CREBRF: variants seen among roughly 807,000 people sequenced by gnomAD.
The protein encoded by CREBRF is CREB3 regulatory factor.
Under a neutral mutation model 66.1 loss-of-function variants are expected in CREBRF, and 5 were observed. The ratio of observed to expected loss-of-function variants is 0.08; its 90% confidence interval spans 0.04 to 0.16. CREBRF has a LOEUF of 0.16. CREBRF is among the 10% of genes least tolerant of loss of function. CREBRF has a pLI of 1.00. For missense variants in CREBRF, 531 were observed against 744.9 expected, an observed-to-expected ratio of 0.71 and a Z score of 3.34; for synonymous variants, 229 against 264.4, an observed-to-expected ratio of 0.87 and a Z score of 1.30.
chr5:173,088,196 C>T (rs1758219925), intron 3 of CREBRF, among the ~76,000 whole-genome samples: 1 of 151,054 alleles, frequency 6.6e-6, no homozygotes, highest in African/African-American at 2.4e-5. Context: ...CACACACCTG[C>T]AGCTCTTCTT....
intron 4 of CREBRF, among the ~76,000 whole-genome samples, chr5:173,093,325 C>G (rs1758396502): frequency 6.6e-6 from 1 of 152,110 alleles, no homozygotes. Context: ...GACTTTTTCC[C>G]CCCAGCTTTA....
At chr5:173,067,593 C>G (rs1757470095) in intron 1 of CREBRF, among the ~76,000 whole-genome samples, 1 of 152,084 alleles carries the variant, frequency 6.6e-6, no homozygotes, top group Non-Finnish European at 1.5e-5. Flanking sequence ...AATTTAAATA[C>G]TGGTAGTTAC....
intron 1 of CREBRF, among the ~76,000 whole-genome samples, chr5:173,079,776 A>G (rs1479732674): frequency 6.6e-6 from 1 of 152,216 alleles, no homozygotes; most frequent in Non-Finnish European, 1.5e-5. Flanking sequence ...TCCTTGGATC[A>G]TACTTTGAGA....
chr5:173,117,091 A>G (rs1345308773), intron 7 of CREBRF, among the ~76,000 whole-genome samples: 3 of 152,102 alleles, frequency 2.0e-5, no homozygotes, highest in African/African-American at 7.2e-5. Flanking sequence ...AAGGTTCTTT[A>G]TTCTGGGCCG....
chr5:173,071,607 G>C (rs1348414732), intron 1 of CREBRF, among the ~76,000 whole-genome samples: 1 of 151,734 alleles, frequency 6.6e-6, no homozygotes, highest in African/African-American at 2.4e-5. Context: ...GCCTCCCAAA[G>C]TGCTGGGATT....
At chr5:173,132,358 A>T (rs1342743950) in intron 8 of CREBRF, among the ~76,000 whole-genome samples, 1 of 145,920 alleles carries the variant, frequency 6.9e-6, no homozygotes, top group African/African-American at 2.5e-5. Context: ...AAGCGTTGGT[A>T]TTACAGGCGT....
At chr5:173,100,131 A>ATATATATAAT (rs1554125245) in intron 4 of CREBRF, among the ~76,000 whole-genome samples, 5 of 42,864 alleles carry the variant, frequency 1.2e-4, no homozygotes, top group Non-Finnish European at 2.3e-4. Context: ...TATATATATA[A>ATATATATAAT]TTTTTTTTTT....
rs1285862968 is a variant in CREBRF, at chr5:173,086,321, A to T, written c.10-180A>T. 1.3e-4 allele frequency: 87 copies of T among 651,666 alleles called. No individual in the cohort carries two copies. The African/African-American group carries it at 1.4e-3, about 11-fold the overall frequency. 40.4% of individuals were successfully genotyped at this position (651,666 alleles called of 1,614,324 possible). ...TTCTATTTTTAGGTATTTTCCTAAT[A>T]TAAGTCTACAGTTCAGTGTTAGCCA... On this transcript the variant is annotated intron_variant, in intron 2 of 8. Transcript: ENST00000296953.
chr5:173,109,677 G>A (rs1242811381), intron 5 of CREBRF: 1 of 152,214 alleles, frequency 6.6e-6, no homozygotes, highest in East Asian at 1.9e-4. Flanking sequence ...TAGTAAGTGT[G>A]ATGGTCAGTA....
intron 8 of CREBRF, among the ~76,000 whole-genome samples, chr5:173,131,460 C>T (rs1759422541): frequency 6.6e-6 from 1 of 152,072 alleles, no homozygotes; most frequent in South Asian, 2.1e-4. Context: ...CTTTTGTTTT[C>T]TTTAGTCTAC....
rs1416586402 is a variant in CREBRF, at chr5:173,086,319, A to T, written c.10-182A>T. The T allele has an allele frequency of 1.3e-4, 87 of 650,478 alleles. No individual in the cohort carries two copies. In the African/African-American group the frequency reaches 1.4e-3, roughly 11 times the overall value. The allele number at this position is 650,478 out of a possible 1,614,324, so 40.3% of individuals were successfully genotyped here. A position where few individuals can be genotyped will look rare whatever the true frequency, so the allele number is the denominator to read the frequency against. Reference sequence around the variant, plus strand: ...TTTTCTATTTTTAGGTATTTTCCTAATATAAGTCTACAGTTCAGTGTTAGC... The same window carrying T: ...TTTTCTATTTTTAGGTATTTTCCTATTATAAGTCTACAGTTCAGTGTTAGC... On this transcript the variant is annotated intron_variant, in intron 2 of 8. Coordinates refer to ENST00000296953, the MANE Select transcript of CREBRF (RefSeq NM_153607.3).
chr5:173,066,641 G>T (rs1757443519), intron 1 of CREBRF, among the ~76,000 whole-genome samples: 1 of 151,718 alleles, frequency 6.6e-6, no homozygotes, highest in African/African-American at 2.4e-5. Flanking sequence ...CAGTTCTCCT[G>T]CACTCGCCCT....
At chr5:173,063,614 C>G (rs1236832393) in intron 1 of CREBRF, among the ~76,000 whole-genome samples, 2 of 152,072 alleles carry the variant, frequency 1.3e-5, no homozygotes, top group African/African-American at 4.8e-5. Context: ...GGTGATCCAC[C>G]TGCCTTGGCC....
chr5:173,105,968 T>C (rs1369425644), intron 4 of CREBRF, among the ~76,000 whole-genome samples: 1 of 152,178 alleles, frequency 6.6e-6, no homozygotes, highest in Non-Finnish European at 1.5e-5. Context: ...GGCCCTTGCA[T>C]CTTTTCCAAA....
Position 173,057,193 on chromosome 5 carries a change from C to T in CREBRF, c.-192+714C>T, listed in dbSNP as rs565990543. On this transcript the variant is annotated intron_variant, in intron 1 of 8. Transcript: ENST00000296953. ...TGGCAGGCTCTGGCGTCCAATGGAG[C>T]GGGCGGATGGAGACTTCTGCACCAA... 6.0e-5 allele frequency among the ~76,000 whole-genome samples: 9 copies of T among 150,964 alleles called. 1 individual carries two copies. The South Asian group carries it at 1.7e-3, about 28-fold the overall frequency.
intron 4 of CREBRF, among the ~76,000 whole-genome samples, chr5:173,104,711 C>CAGAGAGAGAG (rs112995190): frequency 6.8e-6 from 1 of 146,506 alleles, no homozygotes; most frequent in Non-Finnish European, 1.5e-5. Context: ...GCAACAAATT[C>CAGAGAGAGAG]AGAGAGAGAG....
intron 1 of CREBRF, among the ~76,000 whole-genome samples, chr5:173,075,715 C>T (rs1041681984): frequency 1.3e-5 from 2 of 152,028 alleles, no homozygotes; most frequent in South Asian, 4.2e-4. Context: ...TCCTGCCTCC[C>T]TGTTTCGTTG....
At chr5:173,071,191 T>TA (rs11372970) in intron 1 of CREBRF, among the ~76,000 whole-genome samples, 59,062 of 151,908 alleles carry the variant, frequency 0.39, 12,211 homozygotes, top group Non-Finnish European at 0.45. Context: ...GTTGGAAAGA[T>TA]AGTGTCATTG....
chr5:173,063,761 C>T (rs1757351726), intron 1 of CREBRF, among the ~76,000 whole-genome samples: 1 of 150,306 alleles, frequency 6.7e-6, no homozygotes, highest in South Asian at 2.1e-4. Context: ...CTTGCTCTGT[C>T]ACCCAGGCTG....
Sources: allele counts gnomAD v4.1 joint callset (sites outside exome capture counted in the v4.1 genomes callset), GRCh38; gene constraint gnomAD v4.1.1; transcripts MANE v1.5; gene names NCBI Gene and HGNC (gene_info 2026-07-23, HGNC 2026-07-21).